The following NEDD4L variants were observed in gnomAD, a reference collection of about 807,000 sequenced individuals.
NEDD4L encodes the protein E3 ubiquitin-protein ligase NEDD4-like.
NEDD4L carries 54 observed loss-of-function variants against 148.9 expected under a neutral mutation model. That is an observed-to-expected ratio of 0.36 (90% CI 0.29 to 0.45). The LOEUF is 0.45. Ranked by LOEUF, NEDD4L falls within the 20% of genes least tolerant of loss-of-function variation. The probability of loss-of-function intolerance (pLI) is 1.00; values close to 1 mark genes in which losing one functional copy is unlikely to be tolerated. For synonymous variants in NEDD4L, 433 were observed against 440.7 expected (o/e 0.98, Z 0.22); for missense variants, 856 against 1,233.8 (o/e 0.69, Z 4.59).
At chr18:58,348,437 T>C (rs2043413903) in intron 16 of NEDD4L, among the ~76,000 whole-genome samples, 1 of 144,786 alleles carries the variant, frequency 6.9e-6, no homozygotes, top group Non-Finnish European at 1.5e-5. Context: ...GTTCAAGCAA[T>C]TCTCCTAACT....
Position 58,074,410 on chromosome 18 carries a change from C to T in NEDD4L, c.48+29702C>T, listed in dbSNP as rs531708505. Among the ~76,000 whole-genome samples, 4 of 150,522 alleles carry T rather than the reference C, an allele frequency of 2.7e-5. No individual in the cohort carries two copies. The East Asian group carries it at 7.8e-4, about 29-fold the overall frequency. ...AGTAGCTGGGATTACAGTTGCGTGCCACCATGCCTGGCTAATTTTTTGTAT... is the reference window on the plus strand; with the variant it reads ...AGTAGCTGGGATTACAGTTGCGTGCTACCATGCCTGGCTAATTTTTTGTAT... On this transcript the variant is annotated intron_variant, in intron 1 of 30. Coordinates refer to ENST00000400345, the MANE Select transcript of NEDD4L (RefSeq NM_001144967.3).
chr18:58,205,062 A>G (rs1402838449), intron 2 of NEDD4L, among the ~76,000 whole-genome samples: 1 of 152,234 alleles, frequency 6.6e-6, no homozygotes, highest in Admixed American at 6.5e-5. Context: ...CATCAAATAC[A>G]TTTTATCCAT....
chr18:58,236,184 G>A (rs562773077), intron 2 of NEDD4L, among the ~76,000 whole-genome samples: 4 of 151,790 alleles, frequency 2.6e-5, no homozygotes, highest in East Asian at 1.9e-4. Context: ...TAGTAACCTC[G>A]TCTCTACAAA....
In NEDD4L at chr18:58,044,697, T is replaced by G; in HGVS notation, c.37T>G (p.Ser13Ala). 6.2e-7 allele frequency: 1 copy of G among 1,608,240 alleles called. No homozygotes were observed. Among genetic ancestry groups the G allele is most frequent in the Non-Finnish European group, 8.5e-7 (1 of 1,177,382 alleles). Residue 13 changes from serine (S) to alanine (A), a missense_variant, in exon 1 of 31, where the codon TCC becomes GCC. Coordinates refer to ENST00000400345, the MANE Select transcript of NEDD4L (RefSeq NM_001144967.3). ...GCTCGGGGAGCCGGTCTATGGACTT[T>G]CCGAAGACGAGGTGAGTGGCACCCC... is the stretch of plus-strand genomic sequence containing the variant. ...TGLGEPVYGL[S>A]EDEGESRILR... is the part of the protein sequence containing the mutation.
At chr18:58,088,678 T>A (rs1424276537) in intron 1 of NEDD4L, among the ~76,000 whole-genome samples, 1 of 152,242 alleles carries the variant, frequency 6.6e-6, no homozygotes, top group Non-Finnish European at 1.5e-5. Context: ...TATTACCCAA[T>A]GTCCATTTTG....
chr18:58,300,956 G>A (rs1394989006), intron 5 of NEDD4L, among the ~76,000 whole-genome samples: 6 of 152,128 alleles, frequency 3.9e-5, no homozygotes, highest in Non-Finnish European at 8.8e-5. Flanking sequence ...ATTACAGCAG[G>A]GTGTATCTCA....
At chr18:58,080,170 C>T (rs2145081992) in intron 1 of NEDD4L, among the ~76,000 whole-genome samples, 1 of 152,308 alleles carries the variant, frequency 6.6e-6, no homozygotes, top group East Asian at 1.9e-4. Context: ...AGCAGTCCTC[C>T]ACCACAGCCT....
intron 2 of NEDD4L, among the ~76,000 whole-genome samples, chr18:58,180,681 A>G (rs2146965223): frequency 6.6e-6 from 1 of 152,316 alleles, no homozygotes; most frequent in Middle Eastern, 3.4e-3. Flanking sequence ...TAGGTTTAGG[A>G]CATTCTTTAA....
chr18:58,379,815 G>A (rs1314039191), intron 24 of NEDD4L, among the ~76,000 whole-genome samples: 2 of 152,128 alleles, frequency 1.3e-5, no homozygotes, highest in African/African-American at 4.8e-5. Context: ...ATCCTAGAGG[G>A]ATGCATTTCT....
At chr18:58,076,672 G>A (rs984773795) in intron 1 of NEDD4L, among the ~76,000 whole-genome samples, 1 of 152,040 alleles carries the variant, frequency 6.6e-6, no homozygotes, top group Non-Finnish European at 1.5e-5. Flanking sequence ...GCGGGCTGGA[G>A]TTGGAACTCC....
At chr18:58,049,976 CAAAAAA>C (rs34040455) in intron 1 of NEDD4L, among the ~76,000 whole-genome samples, 2 of 91,434 alleles carry the variant, frequency 2.2e-5, no homozygotes, top group Admixed American at 2.7e-4. Flanking sequence ...ACCCTGTCTC[CAAAAAA>C]AAAAAAAAAA....
chr18:58,252,401 C>T (rs77266568), intron 5 of NEDD4L, among the ~76,000 whole-genome samples: 14,108 of 152,160 alleles, frequency 0.093, 676 homozygotes, highest in East Asian at 0.18. Flanking sequence ...AAACTTTGCT[C>T]GGTTTTTAAA....
intron 5 of NEDD4L, among the ~76,000 whole-genome samples, chr18:58,272,718 G>A (rs542201168): frequency 1.3e-5 from 2 of 152,066 alleles, no homozygotes; most frequent in South Asian, 2.1e-4. Context: ...TGCTGTTGCC[G>A]CCTTTATAAA....
chr18:58,211,655 C>T (rs910407123), intron 2 of NEDD4L, among the ~76,000 whole-genome samples: 13 of 152,156 alleles, frequency 8.5e-5, no homozygotes, highest in Admixed American at 3.9e-4. Flanking sequence ...AGAATAAATA[C>T]GTACTACCTG....
At chr18:58,319,842 C>T (rs972281282) in intron 6 of NEDD4L, among the ~76,000 whole-genome samples, 10 of 152,182 alleles carry the variant, frequency 6.6e-5, no homozygotes, top group Admixed American at 4.6e-4. Context: ...GGCCAATGAA[C>T]ATGGCTAGTG....
intron 1 of NEDD4L, among the ~76,000 whole-genome samples, chr18:58,103,538 T>C (rs2084898096): frequency 6.6e-6 from 1 of 152,086 alleles, no homozygotes; most frequent in African/African-American, 2.4e-5. Context: ...TCAAAGCCCA[T>C]GGGTGATTGG....
intron 13 of NEDD4L, among the ~76,000 whole-genome samples, chr18:58,338,243 A>G (rs1181641501): frequency 6.6e-6 from 1 of 152,214 alleles, no homozygotes; most frequent in African/African-American, 2.4e-5. Context: ...AACTGGTTTG[A>G]TTACTTTTTT....
At chr18:58,214,399 A>T (rs1000531062) in intron 2 of NEDD4L, among the ~76,000 whole-genome samples, 3 of 152,164 alleles carry the variant, frequency 2.0e-5, no homozygotes, top group African/African-American at 7.2e-5. Flanking sequence ...AAAGAGAGAG[A>T]TAGAAATGTA....
At chr18:58,358,394 A>T (rs2045005604) in intron 19 of NEDD4L, among the ~76,000 whole-genome samples, 1 of 152,206 alleles carries the variant, frequency 6.6e-6, no homozygotes, top group Non-Finnish European at 1.5e-5. Context: ...ATTCGCAGTC[A>T]CAGTTGTTTA....
Sources: allele counts gnomAD v4.1 joint callset (sites outside exome capture counted in the v4.1 genomes callset), GRCh38; gene constraint gnomAD v4.1.1; transcripts MANE v1.5; gene names NCBI Gene and HGNC (gene_info 2026-07-23, HGNC 2026-07-21).